EXOSC5: variants seen among roughly 807,000 people sequenced by gnomAD.
EXOSC5 encodes the protein exosome complex component RRP46.
Under a neutral mutation model 23.7 loss-of-function variants are expected in EXOSC5, and 15 were observed. The ratio of observed to expected loss-of-function variants is 0.63; its 90% confidence interval spans 0.42 to 0.97. EXOSC5 has a LOEUF of 0.97. EXOSC5 is among the 50% of genes least tolerant of loss of function. The pLI is 0.00. For synonymous variants in EXOSC5, 143 were observed against 140.9 expected (o/e 1.02, Z -0.11); for missense variants, 305 against 316.3 (o/e 0.96, Z 0.27).
chr19:41,397,131 C>G (rs1382901985), intron 1 of EXOSC5, 50 bp downstream of exon 1: 1 of 1,572,096 alleles, frequency 6.4e-7, no homozygotes, highest in Non-Finnish European at 8.7e-7. Context: ...CTCGGTTGCA[C>G]AGTACACGGT....
rs1179387841 is a variant in EXOSC5 at position 41,391,843 on chromosome 19, A to G, written c.382T>C (p.Ser128Pro). 1 of 1,517,224 alleles carries G rather than the reference A, an allele frequency of 6.6e-7. No homozygotes were observed. The highest frequency in any genetic ancestry group is 1.3e-5 in the South Asian group (1 of 77,340). 94.0% of individuals were successfully genotyped at this position (1,517,224 alleles called of 1,614,324 possible). ...AGGAGGCCTGGCAGAAAGGATACAG[A>G]GCCGGCATCGCTGACAACCTGCAGC... Reference protein sequence around the residue: ...VVLQVVSDAGSLLACCLNAAC... With the variant: ...VVLQVVSDAGPLLACCLNAAC... Residue 128 changes from serine to proline, a missense_variant and splice_region_variant, in exon 3 of 6, where the codon TCT becomes CCT. Ser to Pro is a moderately conservative substitution (Grantham distance 74). Coordinates refer to ENST00000221233, the MANE Select transcript of EXOSC5 (RefSeq NM_020158.4).
intron 2 of EXOSC5, 95 bp from the exon 3 acceptor site, chr19:41,392,057 C>G: frequency 6.6e-7 from 1 of 1,507,534 alleles, no homozygotes; most frequent in Non-Finnish European, 8.8e-7. Context: ...GGCTCACGGT[C>G]TCAGCCTGGG....
At chr19:41,387,658 A>G in intron 4 of EXOSC5, 55 bp from the exon 5 acceptor site, 1 of 1,327,380 alleles carries the variant, frequency 7.5e-7, no homozygotes, top group Non-Finnish European at 1.0e-6. Context: ...CCTCAGATAA[A>G]ATCTCAGCCA....
intron 1 of EXOSC5, among the ~76,000 whole-genome samples, chr19:41,394,242 G>A (rs555978166): frequency 1.3e-5 from 2 of 152,168 alleles, no homozygotes; most frequent in African/African-American, 4.8e-5. Context: ...GCTGGGCATA[G>A]TGGTGGGTGC....
chr19:41,389,485 G>A (rs1447953906), intron 4 of EXOSC5, among the ~76,000 whole-genome samples: 4 of 151,676 alleles, frequency 2.6e-5, no homozygotes, highest in Admixed American at 1.3e-4. Flanking sequence ...GACTGATCTC[G>A]AACTCCCGAC....
chr19:41,392,907 G>A lies in EXOSC5; in HGVS notation c.222C>T (p.Ala74=). ...TCGGCCTCAGGATCACTTCGAGTGT[G>A]GCCTTGTTGAAAATCTCTTTGCTGA... ...VKVSKEIFNK[A]TLEVILRPKI... Residue 74 remains alanine (A), a synonymous_variant, in exon 2 of 6, where the codon GCC becomes GCT. Coordinates refer to ENST00000221233, the MANE Select transcript of EXOSC5 (RefSeq NM_020158.4). 1 of 1,613,928 alleles carries A rather than the reference G, an allele frequency of 6.2e-7. No individual in the cohort carries two copies. Among genetic ancestry groups the A allele is most frequent in the South Asian group, 1.1e-5 (1 of 91,066 alleles).
At chr19:41,392,162 ACCAAGGGAACCAT>A (rs777536596) in intron 2 of EXOSC5, 200 bp from the exon 3 acceptor site, 24 of 665,222 alleles carry the variant, frequency 3.6e-5, no homozygotes, top group Non-Finnish European at 4.5e-5. Flanking sequence ...TCCAGCATCC[ACCAAGGGAACCAT>A]CCAAGGGAAG....
At position 41,392,780 on chromosome 19, in the gene EXOSC5, G is replaced by A; in HGVS notation, c.262+87C>T. 5.1e-6 allele frequency: 6 copies of A among 1,176,216 alleles called. No homozygotes were observed. In the Admixed American group the frequency reaches 1.1e-4, roughly 22 times the overall value. The allele number at this position is 1,176,216 out of a possible 1,614,324, so 72.9% of individuals were successfully genotyped here. Reference sequence around the variant, plus strand: ...TGAGTGGAGACCCAAGCGGGGAGTGGAGACTCGGGGCAGCTGGTAGGGAGG... The same window carrying A: ...TGAGTGGAGACCCAAGCGGGGAGTGAAGACTCGGGGCAGCTGGTAGGGAGG... On this transcript the variant is annotated intron_variant, in intron 2 of 5. Coordinates refer to ENST00000221233, the MANE Select transcript of EXOSC5 (RefSeq NM_020158.4).
chr19:41,397,356 T>A lies in EXOSC5; in HGVS notation c.-28A>T, dbSNP rs112381655. The A allele has an allele frequency of 0.025, 40,388 of 1,594,750 alleles. 647 individuals are homozygous for A. Among genetic ancestry groups the A allele is most frequent in the Non-Finnish European group, 0.03 (35,406 of 1,166,662 alleles). On this transcript the variant is annotated 5_prime_UTR_variant, in exon 1 of 6. Coordinates refer to ENST00000221233, the MANE Select transcript of EXOSC5 (RefSeq NM_020158.4). Reference sequence around the variant, plus strand: ...CGCCGAGCCCACGTGCGGCTGCAGTTGTCACTTCCGCCTGGCAGCGCGCGC... The same window carrying A: ...CGCCGAGCCCACGTGCGGCTGCAGTAGTCACTTCCGCCTGGCAGCGCGCGC...
chr19:41,389,724 T>A (rs1245912596), intron 4 of EXOSC5, 41 bp downstream of exon 4: 2 of 1,599,556 alleles, frequency 1.3e-6, no homozygotes, highest in Admixed American at 3.5e-5. Context: ...CGGGCAGCTG[T>A]CTGGCCTCTG....
intron 3 of EXOSC5, among the ~76,000 whole-genome samples, chr19:41,391,070 A>G (rs1282880702): frequency 6.6e-6 from 1 of 152,142 alleles, no homozygotes; most frequent in Non-Finnish European, 1.5e-5. Flanking sequence ...GGTGCCGAGT[A>G]GAAGTGATTG....
At chr19:41,394,247 G>A (rs1216273570) in intron 1 of EXOSC5, among the ~76,000 whole-genome samples, 1 of 151,990 alleles carries the variant, frequency 6.6e-6, no homozygotes, top group Non-Finnish European at 1.5e-5. Context: ...GCATAGTGGT[G>A]GGTGCCTGTA....
At chr19:41,395,402 C>T (rs2039054779) in intron 1 of EXOSC5, among the ~76,000 whole-genome samples, 2 of 152,188 alleles carry the variant, frequency 1.3e-5, no homozygotes, top group Non-Finnish European at 2.9e-5. Flanking sequence ...GACGTGGCTC[C>T]AGCAATTCTC....
chr19:41,393,128 T>G, intron 1 of EXOSC5, 148 bp from the exon 2 acceptor site: 1 of 630,320 alleles, frequency 1.6e-6, no homozygotes, highest in Non-Finnish European at 2.8e-6. Flanking sequence ...ATTTCTCTCA[T>G]TTGTAAAATG....
chr19:41,396,358 C>T (rs1599943502), intron 1 of EXOSC5, among the ~76,000 whole-genome samples: 1 of 152,026 alleles, frequency 6.6e-6, no homozygotes, highest in East Asian at 1.9e-4. Context: ...TACAGGCGCC[C>T]GCCACCATGC....
At chr19:41,393,335 G>A (rs2039038135) in intron 1 of EXOSC5, among the ~76,000 whole-genome samples, 1 of 152,116 alleles carries the variant, frequency 6.6e-6, no homozygotes, top group South Asian at 2.1e-4. Flanking sequence ...TGCCATCACG[G>A]CTCATTGCAG....
In EXOSC5 at chr19:41,391,793, A is replaced by G. The variant is rs773082352; in HGVS notation, c.384+48T>C. On this transcript the variant is annotated intron_variant, in intron 3 of 5. Transcript: ENST00000221233. ...AGGGTATATGTATCCGCCAGGAGGG[A>G]AGCAATCAGGAGACTTCCTGGAGGA... 17 of 1,471,242 alleles carry G rather than the reference A, an allele frequency of 1.2e-5. No homozygotes were observed. In the African/African-American group the frequency reaches 1.6e-4, roughly 14 times the overall value. The allele number at this position is 1,471,242 out of a possible 1,614,324, so 91.1% of individuals were successfully genotyped here.
At position 41,386,683 on chromosome 19, in the gene EXOSC5, C is replaced by T. The variant is rs767958737; in HGVS notation, c.658G>A (p.Val220Ile). The T allele has an allele frequency of 4.4e-6, 7 of 1,604,202 alleles. No individual in the cohort carries two copies. Among genetic ancestry groups the T allele is most frequent in the South Asian group, 3.4e-5 (3 of 89,266 alleles). Residue 220 changes from valine (V) to isoleucine (I), a missense_variant, in exon 6 of 6, where the codon GTC becomes ATC. Transcript: ENST00000221233. ...LAAAQAASQH[V>I]FRFYRESLQR... ...AGCGATTCCCGGTAGAAACGGAAGA[C>T]GTGTTGCGAAGCGGCCTGGGCCGCA...
intron 1 of EXOSC5, among the ~76,000 whole-genome samples, chr19:41,395,486 C>G (rs949829332): frequency 6.6e-6 from 1 of 152,194 alleles, no homozygotes; most frequent in Non-Finnish European, 1.5e-5. Context: ...AACTCCTGAA[C>G]AGCTGCCTCT....
Sources: gnomAD v4.1 joint callset for allele counts (sites outside exome capture counted in the v4.1 genomes callset) on GRCh38, gnomAD v4.1.1 for gene constraint, MANE v1.5 for transcripts, NCBI Gene and HGNC (gene_info 2026-07-23, HGNC 2026-07-21) for gene names.